STAG1: variants seen among roughly 807,000 people sequenced by gnomAD.
STAG1 encodes the protein STAG1 cohesin complex component.
In STAG1, 26 loss-of-function variants were observed where a neutral mutation model predicts 170.9. The observed-to-expected ratio is 0.15, with a 90% CI of 0.11 to 0.21. The LOEUF is 0.21. STAG1 is among the 10% of genes least tolerant of loss of function. STAG1 has a pLI of 1.00. For missense variants in STAG1, 964 were observed against 1,509.5 expected (o/e 0.64, Z 5.99); for synonymous variants, 514 against 497.7 (o/e 1.03, Z -0.44).
At chr3:136,486,514 A>G (rs1310980660) in intron 9 of STAG1, among the ~76,000 whole-genome samples, 1 of 152,212 alleles carries the variant, frequency 6.6e-6, no homozygotes, top group African/African-American at 2.4e-5. Context: ...CAGTCCTACC[A>G]AGTAGTATCT....
intron 22 of STAG1, among the ~76,000 whole-genome samples, chr3:136,398,138 A>G (rs974411068): frequency 4.6e-5 from 7 of 150,792 alleles, no homozygotes; most frequent in African/African-American, 1.5e-4. Context: ...TTTTTTTCAG[A>G]CAAGAGTCTC....
chr3:136,438,801 T>G (rs1469922297), intron 15 of STAG1, among the ~76,000 whole-genome samples: 3 of 152,108 alleles, frequency 2.0e-5, no homozygotes, highest in Non-Finnish European at 4.4e-5. Flanking sequence ...ATTAATGAAT[T>G]AATAATTCCT....
intron 1 of STAG1, among the ~76,000 whole-genome samples, chr3:136,689,294 A>G (rs979047988): frequency 6.6e-6 from 1 of 152,256 alleles, no homozygotes; most frequent in African/African-American, 2.4e-5. Context: ...GGCTTATTAC[A>G]TAAATTACAA....
chr3:136,563,769 C>T (rs1936942342), intron 5 of STAG1, among the ~76,000 whole-genome samples: 1 of 151,950 alleles, frequency 6.6e-6, no homozygotes, highest in Admixed American at 6.6e-5. Context: ...GCCTGTAATC[C>T]CAGCACTTTA....
intron 7 of STAG1, among the ~76,000 whole-genome samples, chr3:136,514,935 T>C (rs1048885395): frequency 7.2e-5 from 11 of 151,896 alleles, no homozygotes; most frequent in African/African-American, 1.9e-4. Flanking sequence ...GGGGGAGGGA[T>C]AGCATTAGGA....
chr3:136,452,747 A>G (rs1296440880), intron 13 of STAG1, among the ~76,000 whole-genome samples: 1 of 152,138 alleles, frequency 6.6e-6, no homozygotes, highest in Non-Finnish European at 1.5e-5. Flanking sequence ...AAGGACTGCT[A>G]TTATCCTGTA....
intron 10 of STAG1, among the ~76,000 whole-genome samples, chr3:136,476,395 T>C (rs561160185): frequency 1.2e-3 from 178 of 152,248 alleles, no homozygotes; most frequent in African/African-American, 3.9e-3. Flanking sequence ...AACACAATAA[T>C]TGCAATAGGC....
intron 4 of STAG1, among the ~76,000 whole-genome samples, chr3:136,582,469 G>A (rs1937611209): frequency 6.6e-6 from 1 of 152,180 alleles, no homozygotes; most frequent in Non-Finnish European, 1.5e-5. Context: ...AGTTGCTAAT[G>A]GTATAATGCC....
chr3:136,392,110 A>T (rs1408041415), intron 22 of STAG1, among the ~76,000 whole-genome samples: 1 of 152,198 alleles, frequency 6.6e-6, no homozygotes, highest in East Asian at 1.9e-4. Flanking sequence ...TTAAAAAGCG[A>T]TTTGGCAGTA....
chr3:136,503,657 T>C (rs1178374349), intron 7 of STAG1, among the ~76,000 whole-genome samples: 1 of 152,234 alleles, frequency 6.6e-6, no homozygotes, highest in Non-Finnish European at 1.5e-5. Flanking sequence ...TGTTCAGTGC[T>C]TTAGAAGAAC....
chr3:136,499,844 A>C, intron 9 of STAG1: 1 of 149,724 alleles, frequency 6.7e-6, no homozygotes, highest in Non-Finnish European at 1.5e-5. Flanking sequence ...TTTTTAAATT[A>C]TTAATTTGCC....
chr3:136,748,872 G>A (rs531694867), intron 1 of STAG1, among the ~76,000 whole-genome samples: 94 of 152,072 alleles, frequency 6.2e-4, no homozygotes, highest in African/African-American at 2.2e-3. Context: ...TTTCATAGAG[G>A]AAGGCATGTA....
At chr3:136,536,444 GT>G (rs1327993375) in intron 6 of STAG1, among the ~76,000 whole-genome samples, 1 of 152,066 alleles carries the variant, frequency 6.6e-6, no homozygotes, top group Non-Finnish European at 1.5e-5. Context: ...TAGGACAGTA[GT>G]TAAGACTATG....
At chr3:136,473,779 T>C in intron 10 of STAG1, 142 bp from the exon 11 acceptor site, 2 of 630,802 alleles carry the variant, frequency 3.2e-6, no homozygotes, top group Non-Finnish European at 5.5e-6. Flanking sequence ...TGAACAATTG[T>C]ATAGTGTGTG....
chr3:136,487,723 T>C (rs1454179493), intron 9 of STAG1, among the ~76,000 whole-genome samples: 1 of 152,238 alleles, frequency 6.6e-6, no homozygotes, highest in Non-Finnish European at 1.5e-5. Flanking sequence ...TTTTGAAGGA[T>C]GTCCACAAAT....
intron 9 of STAG1, among the ~76,000 whole-genome samples, chr3:136,499,535 T>C (rs1020221191): frequency 6.6e-6 from 1 of 152,218 alleles, no homozygotes; most frequent in African/African-American, 2.4e-5. Context: ...TCTTTGTCTA[T>C]CTACTTACAC....
Position 136,752,255 on chromosome 3 carries a change from T to C in STAG1, c.-144A>G, listed in dbSNP as rs1417699077. 6.6e-6 allele frequency: 1 copy of C among 151,816 alleles called. No homozygotes were observed. The highest frequency in any genetic ancestry group is 1.5e-5 in the Non-Finnish European group (1 of 67,796). 9.4% of individuals were successfully genotyped at this position (151,816 alleles called of 1,614,324 possible). On this transcript the variant is annotated 5_prime_UTR_variant, in exon 1 of 34. Coordinates refer to ENST00000383202, the MANE Select transcript of STAG1 (RefSeq NM_005862.3). ...CTAGTTTCCCCCCAAAAGTCTCCGG[T>C]GTGTTATTCCCGATGTGGGGGGGTT...
chr3:136,353,493 A>G (rs187149816), intron 28 of STAG1, among the ~76,000 whole-genome samples: 2 of 152,358 alleles, frequency 1.3e-5, no homozygotes, highest in East Asian at 3.9e-4. Flanking sequence ...TACAAAGAAA[A>G]TCCAATAAAA....
At position 136,735,762 on chromosome 3, in the gene STAG1, G is replaced by A. The variant is rs1031517646; in HGVS notation, c.-84+16433C>T. 6.8e-4 allele frequency among the ~76,000 whole-genome samples: 103 copies of A among 152,002 alleles called. 1 individual carries two copies. Among genetic ancestry groups the A allele is most frequent in the Non-Finnish European group, 4.7e-4 (32 of 67,982 alleles). On this transcript the variant is annotated intron_variant, in intron 1 of 33. Coordinates refer to ENST00000383202, the MANE Select transcript of STAG1 (RefSeq NM_005862.3). ...TGAGTAGCTGGAATTATAGGGGTTC[G>A]CCACCACGCCCAGCTAATTTTTTCT... is the stretch of plus-strand genomic sequence containing the variant.
Sources: allele counts gnomAD v4.1 joint callset (sites outside exome capture counted in the v4.1 genomes callset), GRCh38; gene constraint gnomAD v4.1.1; transcripts MANE v1.5; gene names NCBI Gene and HGNC (gene_info 2026-07-23, HGNC 2026-07-21).